The following RPS6KA3 variants were observed in gnomAD, a reference collection of about 807,000 sequenced individuals.
RPS6KA3 encodes the protein ribosomal protein S6 kinase A3.
RPS6KA3 carries 4 observed loss-of-function variants against 67.2 expected under a neutral mutation model. That is an observed-to-expected ratio of 0.06 (90% CI 0.03 to 0.14). The LOEUF (loss-of-function observed/expected upper bound fraction) is 0.14. RPS6KA3 is among the 10% of genes least tolerant of loss of function. The probability of loss-of-function intolerance (pLI) is 1.00; values close to 1 mark genes in which losing one functional copy is unlikely to be tolerated. For synonymous variants in RPS6KA3, 182 were observed against 183.7 expected (o/e 0.99, Z 0.07); for missense variants, 204 against 559.0 (o/e 0.36, Z 6.40).
In RPS6KA3 at chrX:20,234,665, C is replaced by A. The variant is rs569918712; in HGVS notation, c.126+93G>T. The A allele has an allele frequency of 5.1e-5, 33 of 650,397 alleles. No homozygotes were observed. The African/African-American group carries it at 6.9e-4, about 14-fold the overall frequency. The allele number at this position is 650,397 out of a possible 1,213,427, so 53.6% of individuals were successfully genotyped here. On this transcript the variant is annotated intron_variant, in intron 2 of 21. Coordinates refer to ENST00000379565, the MANE Select transcript of RPS6KA3 (RefSeq NM_004586.3). The stretch of plus-strand genomic sequence containing the variant: ...TGAAAGGATCGACAAGTTTCTAACA[C>A]TGTAAAATGATTACTCTGCTCAGCT...
At chrX:20,179,212 G>T (rs963125684) in intron 10 of RPS6KA3, among the ~76,000 whole-genome samples, 1 of 111,986 alleles carries the variant, frequency 8.9e-6, no homozygotes, top group African/African-American at 3.3e-5. Flanking sequence ...ATAACTGGGA[G>T]TATAAGAAAA....
At chrX:20,192,719 G>A (rs2068171525) in intron 7 of RPS6KA3, among the ~76,000 whole-genome samples, 1 of 102,832 alleles carries the variant, frequency 9.7e-6, no homozygotes, top group Non-Finnish European at 2.0e-5. Context: ...TCCTGCCTCA[G>A]CCTCCTGAGT....
intron 2 of RPS6KA3, among the ~76,000 whole-genome samples, chrX:20,212,929 CATA>C (rs1167161850): frequency 1.8e-5 from 2 of 111,577 alleles, no homozygotes; most frequent in Non-Finnish European, 3.8e-5. Context: ...ATTGGTTACT[CATA>C]ATATCCCTTT....
intron 18 of RPS6KA3, among the ~76,000 whole-genome samples, 157 bp downstream of exon 18, chrX:20,164,742 C>T (rs2067394702): frequency 9.0e-6 from 1 of 111,682 alleles, no homozygotes; most frequent in Non-Finnish European, 1.9e-5. Flanking sequence ...AATCAGATGT[C>T]ACTGAAACAT....
intron 1 of RPS6KA3, chrX:20,241,487 CATAGAA>C (rs2069550396): frequency 1.0e-5 from 1 of 96,393 alleles, no homozygotes; most frequent in African/African-American, 3.8e-5. Flanking sequence ...GGAAGACAGA[CATAGAA>C]ATAATCTATG....
chrX:20,239,317 C>A (rs763443851), intron 1 of RPS6KA3, among the ~76,000 whole-genome samples: 5 of 111,410 alleles, frequency 4.5e-5, no homozygotes, highest in Non-Finnish European at 9.5e-5. Context: ...TAGGTAACTT[C>A]TAAAGATGTA....
chrX:20,186,861 T>A (rs878913109), intron 9 of RPS6KA3, among the ~76,000 whole-genome samples: 2 of 111,710 alleles, frequency 1.8e-5, no homozygotes, highest in African/African-American at 6.5e-5. Context: ...TGAGACGGAG[T>A]CTTACTCTGT....
At chrX:20,249,524 T>C (rs2069803290) in intron 1 of RPS6KA3, among the ~76,000 whole-genome samples, 1 of 112,053 alleles carries the variant, frequency 8.9e-6, no homozygotes, top group African/African-American at 3.2e-5. Flanking sequence ...TGATACCTCA[T>C]CATGTTTTTT....
Position 20,204,067 on chromosome X carries a change from T to C in RPS6KA3, c.280A>G (p.Arg94Gly). Residue 94 changes from arginine to glycine, a missense_variant, in exon 4 of 22, where the codon AGG becomes GGG. This residue lies in a region of RPS6KA3 where 76 missense variants were observed against 250.3 expected (regional missense o/e 0.30). Transcript: ENST00000379565. ...LVKKISGSDA[R>G]QLYAMKVLKK... Reference sequence around the variant, plus strand: ...AATACCTTCATGGCATAAAGCTGCCTAGCATCAGAGCCTGAGATTTTTTTA... The same window carrying C: ...AATACCTTCATGGCATAAAGCTGCCCAGCATCAGAGCCTGAGATTTTTTTA... 8.3e-7 allele frequency: 1 copy of C among 1,207,420 alleles called. No individual in the cohort carries two copies.
chrX:20,196,902 T>A (rs2068287931), intron 4 of RPS6KA3, among the ~76,000 whole-genome samples: 2 of 111,845 alleles, frequency 1.8e-5, no homozygotes, highest in Admixed American at 9.5e-5. Context: ...TGCAGTGGTG[T>A]GACCTCGGCT....
intron 1 of RPS6KA3, among the ~76,000 whole-genome samples, chrX:20,246,320 T>C (rs2069689500): frequency 9.1e-6 from 1 of 110,061 alleles, no homozygotes; most frequent in Admixed American, 9.7e-5. Context: ...CAGTTCAGTA[T>C]GCCCAGCCAC....
chrX:20,161,768 T>C lies in RPS6KA3; in HGVS notation c.1842-7A>G, dbSNP rs748517305. ...ATTTGCAAATGGAGTGTAACTAATT[T>C]ATAATAAAATTAAAATATTAATGAA... is the stretch of plus-strand genomic sequence containing the variant. On this transcript the variant is annotated splice_region_variant and splice_polypyrimidine_tract_variant and intron_variant, in intron 19 of 21. Transcript: ENST00000379565. 3.8e-5 allele frequency: 30 copies of C among 798,709 alleles called. No individual in the cohort carries two copies. Among genetic ancestry groups the C allele is most frequent in the Admixed American group, 1.2e-4 (4 of 33,471 alleles). The allele number at this position is 798,709 out of a possible 1,213,427, so 65.8% of individuals were successfully genotyped here. A position where few individuals can be genotyped will look rare whatever the true frequency, so the allele number is the denominator to read the frequency against.
intron 4 of RPS6KA3, among the ~76,000 whole-genome samples, chrX:20,195,814 C>T (rs1397657160): frequency 8.9e-6 from 1 of 111,952 alleles, no homozygotes; most frequent in Non-Finnish European, 1.9e-5. Flanking sequence ...TTCTTTGAGA[C>T]TCAGTTACCT....
intron 2 of RPS6KA3, among the ~76,000 whole-genome samples, chrX:20,232,345 C>T (rs1476653499): frequency 1.8e-5 from 2 of 111,330 alleles, no homozygotes; most frequent in African/African-American, 3.3e-5. Context: ...GAGGCCGAGG[C>T]GAGCAGATCA....
intron 2 of RPS6KA3, among the ~76,000 whole-genome samples, chrX:20,222,024 T>C (rs1167143965): frequency 8.9e-6 from 1 of 112,752 alleles, no homozygotes; most frequent in Non-Finnish European, 1.9e-5. Flanking sequence ...AAATATTATC[T>C]TCAACTGTGT....
intron 4 of RPS6KA3, among the ~76,000 whole-genome samples, chrX:20,195,510 T>A (rs994911155): frequency 8.9e-6 from 1 of 111,785 alleles, no homozygotes; most frequent in African/African-American, 3.2e-5. Flanking sequence ...AAAAAATGAA[T>A]AGGTTTCAAC....
At chrX:20,224,197 T>C (rs1244537149) in intron 2 of RPS6KA3, among the ~76,000 whole-genome samples, 1 of 111,498 alleles carries the variant, frequency 9.0e-6, no homozygotes, top group African/African-American at 3.3e-5. Flanking sequence ...GTGGTCATGA[T>C]GTTGGTGGAC....
At chrX:20,198,155 C>G (rs1264020991) in intron 4 of RPS6KA3, among the ~76,000 whole-genome samples, 1 of 111,807 alleles carries the variant, frequency 8.9e-6, no homozygotes, top group East Asian at 2.8e-4. Flanking sequence ...ATATTTTACT[C>G]TCTACATTCT....
Position 20,198,026 on chromosome X carries a change from C to A in RPS6KA3, c.326-2881G>T, listed in dbSNP as rs111705373. On this transcript the variant is annotated intron_variant, in intron 4 of 21. Coordinates refer to ENST00000379565, the MANE Select transcript of RPS6KA3 (RefSeq NM_004586.3). ...TTACAGAACCTTTTAGACAAACAGA[C>A]CACTTTAATAGGACAGAAGTCCCCA... 8.4e-4 allele frequency among the ~76,000 whole-genome samples: 94 copies of A among 112,171 alleles called. 1 individual carries two copies. Among genetic ancestry groups the A allele is most frequent in the African/African-American group, 2.9e-3 (91 of 30,943 alleles).
Sources: allele counts gnomAD v4.1 joint callset (sites outside exome capture counted in the v4.1 genomes callset), GRCh38; gene constraint gnomAD v4.1.1; regional missense constraint gnomAD v4.1.1; transcripts MANE v1.5; gene names NCBI Gene and HGNC (gene_info 2026-07-23, HGNC 2026-07-21).